RALGPS1: variants seen among roughly 807,000 people sequenced by gnomAD.
RALGPS1 encodes the protein Ral GEF with PH domain and SH3 binding motif 1, also known as ras-specific guanine nucleotide-releasing factor RalGPS1.
RALGPS1 carries 19 observed loss-of-function variants against 78.8 expected under a neutral mutation model. That is an observed-to-expected ratio of 0.24 (90% CI 0.17 to 0.35). RALGPS1 has a LOEUF of 0.35. Among genes scored for constraint, RALGPS1 ranks in the 10% least tolerant of loss-of-function variants. RALGPS1 has a pLI of 1.00. For synonymous variants in RALGPS1, 228 were observed against 256.3 expected, an observed-to-expected ratio of 0.89 and a Z score of 1.06; for missense variants, 454 against 688.3, an observed-to-expected ratio of 0.66 and a Z score of 3.81.
intron 8 of RALGPS1, among the ~76,000 whole-genome samples, chr9:127,105,394 T>C (rs993548943): frequency 1.3e-5 from 2 of 152,084 alleles, no homozygotes; most frequent in Non-Finnish European, 2.9e-5. Flanking sequence ...GATTGAACCA[T>C]TTGAGGTGCC....
chr9:127,021,714 C>T lies in RALGPS1; in HGVS notation c.217-12717C>T, dbSNP rs889962536. On this transcript the variant is annotated intron_variant, in intron 4 of 18. Transcript: ENST00000259351. ...AAGAATATGGAGAAAGGGAATTGAA[C>T]ATAATTCCCAGTGTAAGAGTGGAAT... 8.3e-5 allele frequency among the ~76,000 whole-genome samples: 12 copies of T among 145,028 alleles called. No individual in the cohort carries two copies. The South Asian group carries it at 1.1e-3, about 13-fold the overall frequency.
chr9:127,061,636 C>G (rs2049222034), intron 7 of RALGPS1, among the ~76,000 whole-genome samples: 2 of 152,180 alleles, frequency 1.3e-5, no homozygotes, highest in South Asian at 2.1e-4. Context: ...CTTTTGTGGC[C>G]TCGGGTCCTC....
At chr9:126,935,845 T>C (rs1020336074) in intron 1 of RALGPS1, among the ~76,000 whole-genome samples, 1 of 152,248 alleles carries the variant, frequency 6.6e-6, no homozygotes. Context: ...TCTCTGGCTC[T>C]AGAAGTGGAG....
At chr9:127,065,285 TG>T (rs2049591893) in intron 7 of RALGPS1, among the ~76,000 whole-genome samples, 1 of 152,160 alleles carries the variant, frequency 6.6e-6, no homozygotes, top group Admixed American at 6.5e-5. Flanking sequence ...GGCTAATTTT[TG>T]TATTTTTAGT....
At chr9:127,157,843 A>G (rs1214841878) in intron 8 of RALGPS1, among the ~76,000 whole-genome samples, 2 of 152,166 alleles carry the variant, frequency 1.3e-5, no homozygotes, top group East Asian at 3.8e-4. Context: ...GCTTTATCAC[A>G]TTCAGCATAG....
chr9:127,073,466 C>CTA (rs2050392130), intron 8 of RALGPS1, among the ~76,000 whole-genome samples: 2 of 142,920 alleles, frequency 1.4e-5, no homozygotes, highest in Admixed American at 1.4e-4. Flanking sequence ...GTGTGTGTGT[C>CTA]TGTGTGTGTG....
Position 127,108,292 on chromosome 9 carries a change from C to T in RALGPS1, c.610+38936C>T, listed in dbSNP as rs1339474929. The T allele has an allele frequency of 5.0e-6, 8 of 1,613,830 alleles. No homozygotes were observed. Among genetic ancestry groups the T allele is most frequent in the South Asian group, 1.1e-5 (1 of 91,060 alleles). Reference sequence around the variant, plus strand: ...GAGCTCCAACGCGTTGTCCCGCTTGCGGATGATCTCGTGCAGGAGCTGCAT... The same window carrying T: ...GAGCTCCAACGCGTTGTCCCGCTTGTGGATGATCTCGTGCAGGAGCTGCAT... On this transcript the variant is annotated intron_variant, in intron 8 of 18. Transcript: ENST00000259351.
intron 11 of RALGPS1, among the ~76,000 whole-genome samples, chr9:127,175,399 CCTGCCTG>C (rs1365650385): frequency 2.0e-5 from 3 of 152,218 alleles, no homozygotes; most frequent in Non-Finnish European, 4.4e-5. Context: ...TAAGCTCATG[CCTGCCTG>C]TAAAGTGCTC....
chr9:127,108,288 C>G (rs1374452872), intron 8 of RALGPS1: 1 of 1,613,902 alleles, frequency 6.2e-7, no homozygotes, highest in Non-Finnish European at 8.5e-7. Flanking sequence ...CGTTGTCCCG[C>G]TTGCGGATGA....
intron 5 of RALGPS1, among the ~76,000 whole-genome samples, chr9:127,035,587 A>G (rs1197942991): frequency 6.6e-6 from 1 of 152,114 alleles, no homozygotes; most frequent in Non-Finnish European, 1.5e-5. Flanking sequence ...CCCTCTCTCC[A>G]GCTGGGCCTT....
At chr9:127,113,392 C>T (rs987766688) in intron 8 of RALGPS1, among the ~76,000 whole-genome samples, 1 of 152,070 alleles carries the variant, frequency 6.6e-6, no homozygotes, top group African/African-American at 2.4e-5. Context: ...CTCCCCTCCC[C>T]CCAGCAGTTT....
At chr9:127,029,345 G>A (rs2134443936) in intron 4 of RALGPS1, among the ~76,000 whole-genome samples, 1 of 152,268 alleles carries the variant, frequency 6.6e-6, no homozygotes, top group East Asian at 1.9e-4. Context: ...CTCCCAGGGT[G>A]TTTCAGAACT....
intron 1 of RALGPS1, among the ~76,000 whole-genome samples, chr9:126,939,956 G>A (rs553758483): frequency 3.9e-5 from 6 of 152,330 alleles, no homozygotes; most frequent in Non-Finnish European, 7.3e-5. Context: ...TAAGGGATAC[G>A]TTTCATTCGC....
intron 8 of RALGPS1, chr9:127,093,865 C>T: frequency 6.2e-7 from 1 of 1,614,094 alleles, no homozygotes; most frequent in Non-Finnish European, 8.5e-7. Flanking sequence ...CCGGCTTCAC[C>T]AGGTAGATGG....
chr9:126,994,254 C>T (rs1262149232), intron 4 of RALGPS1, among the ~76,000 whole-genome samples: 3 of 145,184 alleles, frequency 2.1e-5, no homozygotes, highest in Non-Finnish European at 4.6e-5. Flanking sequence ...AAATTTGAAC[C>T]AATGGCAAAG....
chr9:127,003,802 C>G (rs2043575878), intron 4 of RALGPS1, among the ~76,000 whole-genome samples: 1 of 151,978 alleles, frequency 6.6e-6, no homozygotes, highest in Non-Finnish European at 1.5e-5. Context: ...GTTTGCTGCA[C>G]CTATCAGCCC....
chr9:126,946,057 G>T (rs10819255), intron 1 of RALGPS1, among the ~76,000 whole-genome samples: 26,221 of 152,026 alleles, frequency 0.17, 2,941 homozygotes, highest in East Asian at 0.43. Context: ...TGCGTAAGAG[G>T]CTTTCACGGT....
chr9:127,076,149 A>G (rs997671751), intron 8 of RALGPS1, among the ~76,000 whole-genome samples: 1 of 152,278 alleles, frequency 6.6e-6, no homozygotes, highest in Non-Finnish European at 1.5e-5. Flanking sequence ...ATCTGATAGC[A>G]GCTCCTTGCA....
intron 8 of RALGPS1, chr9:127,093,623 G>T: frequency 1.5e-6 from 2 of 1,342,312 alleles, no homozygotes; most frequent in Non-Finnish European, 2.1e-6. Context: ...ACAGGCCTGG[G>T]CTTGGTCAGC....
Sources: gnomAD v4.1 joint callset for allele counts (sites outside exome capture counted in the v4.1 genomes callset) on GRCh38, gnomAD v4.1.1 for gene constraint, MANE v1.5 for transcripts, NCBI Gene and HGNC (gene_info 2026-07-23, HGNC 2026-07-21) for gene names.